Variants in COX10 observed in about 807,000 individuals in gnomAD.
The protein encoded by COX10 is cytochrome c oxidase assembly factor heme A:farnesyltransferase COX10.
COX10 carries 27 observed loss-of-function variants against 37.3 expected under a neutral mutation model. That is an observed-to-expected ratio of 0.72 (90% CI 0.53 to 1.00). The LOEUF (loss-of-function observed/expected upper bound fraction) is 1.00, where lower values mean the gene tolerates loss of function less well. Ranked by LOEUF, COX10 falls within the 50% of genes least tolerant of loss-of-function variation. The probability of loss-of-function intolerance (pLI) is 0.00; values close to 1 mark genes in which losing one functional copy is unlikely to be tolerated. For missense variants in COX10, 475 were observed against 563.2 expected (o/e 0.84, Z 1.59); for synonymous variants, 222 against 229.1 (o/e 0.97, Z 0.28).
At chr17:14,195,185 C>A (rs1906332574) in intron 6 of COX10, among the ~76,000 whole-genome samples, 1 of 152,130 alleles carries the variant, frequency 6.6e-6, no homozygotes, top group Admixed American at 6.5e-5. Flanking sequence ...TTTGATAGAA[C>A]CAACTTGAGA....
intron 6 of COX10, among the ~76,000 whole-genome samples, chr17:14,196,585 T>C (rs1300003884): frequency 6.6e-6 from 1 of 152,184 alleles, no homozygotes; most frequent in South Asian, 2.1e-4. Context: ...CCACTGGAGC[T>C]TGAGGCAGCA....
intron 4 of COX10, among the ~76,000 whole-genome samples, chr17:14,130,018 C>T (rs1223838412): frequency 6.6e-6 from 1 of 152,178 alleles, no homozygotes; most frequent in African/African-American, 2.4e-5. Flanking sequence ...CCTTTCTTCT[C>T]TTCCTGGGAG....
At chr17:14,180,648 G>A (rs1905829852) in intron 5 of COX10, among the ~76,000 whole-genome samples, 1 of 152,154 alleles carries the variant, frequency 6.6e-6, no homozygotes, top group African/African-American at 2.4e-5. Context: ...TAATAAATAT[G>A]AATATGAAGA....
At chr17:14,124,453 G>A (rs957919779) in intron 4 of COX10, among the ~76,000 whole-genome samples, 5 of 152,124 alleles carry the variant, frequency 3.3e-5, no homozygotes, top group African/African-American at 1.2e-4. Flanking sequence ...ACAACTCAGA[G>A]TAGGTTATTT....
At chr17:14,163,580 A>T (rs1019079770) in intron 5 of COX10, among the ~76,000 whole-genome samples, 1 of 152,172 alleles carries the variant, frequency 6.6e-6, no homozygotes, top group Non-Finnish European at 1.5e-5. Flanking sequence ...AGGAATGCTC[A>T]TGTCAGTTTA....
intron 6 of COX10, among the ~76,000 whole-genome samples, chr17:14,205,676 G>C (rs951657239): frequency 6.6e-5 from 10 of 152,152 alleles, no homozygotes; most frequent in Non-Finnish European, 1.5e-4. Flanking sequence ...AGGTGGCTTC[G>C]TGCATGTCAT....
At chr17:14,116,853 C>G (rs1367300935) in intron 4 of COX10, among the ~76,000 whole-genome samples, 1 of 152,114 alleles carries the variant, frequency 6.6e-6, no homozygotes, top group Admixed American at 6.6e-5. Flanking sequence ...ACATCCAGAG[C>G]GATCTTCTGG....
At chr17:14,147,881 C>G in intron 4 of COX10, among the ~76,000 whole-genome samples, 1 of 151,754 alleles carries the variant, frequency 6.6e-6, no homozygotes. Flanking sequence ...TCTCACTATC[C>G]AGAGACAAGG....
intron 5 of COX10, among the ~76,000 whole-genome samples, chr17:14,183,024 A>G (rs1905913350): frequency 6.6e-6 from 1 of 151,674 alleles, no homozygotes; most frequent in African/African-American, 2.4e-5. Context: ...TAGTAAACAA[A>G]ACAATGTTAT....
chr17:14,098,471 G>T (rs1250406815), intron 3 of COX10, among the ~76,000 whole-genome samples: 1 of 152,106 alleles, frequency 6.6e-6, no homozygotes, highest in African/African-American at 2.4e-5. Flanking sequence ...CAAAAAAAAT[G>T]GCTCTTGTTC....
At chr17:14,107,528 T>C (rs751801804) in intron 4 of COX10, among the ~76,000 whole-genome samples, 13 of 151,956 alleles carry the variant, frequency 8.6e-5, no homozygotes, top group Admixed American at 6.6e-5. Flanking sequence ...TTCTTTTTTT[T>C]TTTCTTTCTT....
At chr17:14,143,539 T>TA (rs1472878588) in intron 4 of COX10, among the ~76,000 whole-genome samples, 1 of 152,096 alleles carries the variant, frequency 6.6e-6, no homozygotes, top group Non-Finnish European at 1.5e-5. Flanking sequence ...ACAGAGTCGT[T>TA]AAAGAGAGGT....
chr17:14,142,733 G>T (rs116484292), intron 4 of COX10, among the ~76,000 whole-genome samples: 1,726 of 152,208 alleles, frequency 0.011, 25 homozygotes, highest in African/African-American at 0.04. Context: ...AAAGAGAACT[G>T]AAAATATTTT....
intron 6 of COX10, among the ~76,000 whole-genome samples, chr17:14,202,466 C>A (rs893406553): frequency 4.6e-5 from 7 of 151,998 alleles, no homozygotes; most frequent in African/African-American, 1.7e-4. Flanking sequence ...ATATCTTGTG[C>A]CAGTAGTGCT....
rs915166969 is a variant in COX10, at chr17:14,207,329, G to A, written c.*116G>A. ...TTAGAACAAGATTATAAACGAATTC[G>A]GTGCTCAGTGATCACTTGACAGTTT... On this transcript the variant is annotated 3_prime_UTR_variant, in exon 7 of 7. Coordinates refer to ENST00000261643, the MANE Select transcript of COX10 (RefSeq NM_001303.4). 2.8e-5 allele frequency: 38 copies of A among 1,337,928 alleles called. No homozygotes were observed. Among genetic ancestry groups the A allele is most frequent in the South Asian group, 8.2e-5 (5 of 61,272 alleles). The allele number at this position is 1,337,928 out of a possible 1,614,324, so 82.9% of individuals were successfully genotyped here.
intron 6 of COX10, among the ~76,000 whole-genome samples, chr17:14,198,730 G>A (rs542813998): frequency 6.6e-6 from 1 of 152,292 alleles, no homozygotes; most frequent in Non-Finnish European, 1.5e-5. Flanking sequence ...ATTCCTGGAT[G>A]AGAAAGTAGA....
chr17:14,136,699 A>T (rs1462862144), intron 4 of COX10, among the ~76,000 whole-genome samples: 1 of 151,984 alleles, frequency 6.6e-6, no homozygotes, highest in Non-Finnish European at 1.5e-5. Context: ...CAAGAACTTC[A>T]GCTTGCCTCC....
chr17:14,080,372 C>T (rs1407558908), intron 3 of COX10, among the ~76,000 whole-genome samples: 1 of 151,924 alleles, frequency 6.6e-6, no homozygotes, highest in East Asian at 1.9e-4. Context: ...TGCCACCACG[C>T]CTGGCTAATT....
intron 6 of COX10, among the ~76,000 whole-genome samples, chr17:14,194,693 G>T (rs1434102227): frequency 6.6e-6 from 1 of 152,128 alleles, no homozygotes; most frequent in Admixed American, 6.5e-5. Context: ...CCAAAGTGCT[G>T]GGATTACAGG....
Sources: allele counts gnomAD v4.1 joint callset (sites outside exome capture counted in the v4.1 genomes callset), GRCh38; gene constraint gnomAD v4.1.1; transcripts MANE v1.5; gene names NCBI Gene and HGNC (gene_info 2026-07-23, HGNC 2026-07-21).